The following COG2 variants were observed in gnomAD, a reference collection of about 807,000 sequenced individuals.
COG2 encodes the protein component of oligomeric golgi complex 2.
Under a neutral mutation model 90.6 loss-of-function variants are expected in COG2, and 52 were observed. The ratio of observed to expected loss-of-function variants is 0.57; its 90% CI spans 0.46 to 0.72. The LOEUF is 0.72. Ranked by LOEUF, COG2 falls within the 30% of genes least tolerant of loss-of-function variation. The pLI is 0.00. For missense variants in COG2, 829 were observed against 891.2 expected (o/e 0.93, Z 0.89); for synonymous variants, 337 against 320.4 (o/e 1.05, Z -0.55).
chr1:230,650,566 GTTGAT>G (rs1262229365), intron 1 of COG2, among the ~76,000 whole-genome samples: 1 of 151,878 alleles, frequency 6.6e-6, no homozygotes, highest in African/African-American at 2.4e-5. Flanking sequence ...TTTTTTTCTT[GTTGAT>G]TTAAGTTCCT....
chr1:230,650,160 T>TAGGG (rs1663943182), intron 1 of COG2, among the ~76,000 whole-genome samples: 1 of 152,254 alleles, frequency 6.6e-6, no homozygotes, highest in Non-Finnish European at 1.5e-5. Context: ...CTATTGTGAA[T>TAGGG]AGGGCTTCAA....
In COG2 at chr1:230,685,219, T is replaced by G; in HGVS notation, c.1363T>G (p.Ser455Ala). Reference protein sequence around the residue: ...RLTLQILARYSVFVNELSLRP... With the variant: ...RLTLQILARYAVFVNELSLRP... ...CACTCTGCAGATTTTGGCACGATAC[T>G]CTGTGTTTGTCAATGAGGTAAGGGC... is the stretch of plus-strand genomic sequence containing the variant. Residue 455 changes from serine (S) to alanine (A), a missense_variant, in exon 12 of 18, where the codon TCT (serine) becomes GCT (alanine). Ser to Ala is a moderately conservative substitution (Grantham distance 99). Transcript: ENST00000366669. The G allele has an allele frequency of 2.5e-6, 4 of 1,614,188 alleles. No individual in the cohort carries two copies. The highest frequency in any genetic ancestry group is 3.4e-6 in the Non-Finnish European group (4 of 1,180,018).
At chr1:230,691,276 T>A in intron 16 of COG2, 108 bp from the exon 17 acceptor site, 1 of 986,640 alleles carries the variant, frequency 1.0e-6, no homozygotes, top group South Asian at 2.0e-5. Context: ...TCGTTGGAAG[T>A]GAATTTTTAT....
At chr1:230,647,452 A>T (rs1315074976) in intron 1 of COG2, among the ~76,000 whole-genome samples, 2 of 152,180 alleles carry the variant, frequency 1.3e-5, no homozygotes, top group Non-Finnish European at 2.9e-5. Flanking sequence ...TGTGGGCCCC[A>T]GTTTCAGCTC....
At chr1:230,661,717 G>A (rs1485711192) in intron 3 of COG2, among the ~76,000 whole-genome samples, 1 of 152,168 alleles carries the variant, frequency 6.6e-6, no homozygotes, top group African/African-American at 2.4e-5. Context: ...AAATGTCAGT[G>A]TTTAGAAGTC....
chr1:230,691,212 C>CAT (rs752644384), intron 16 of COG2, among the ~76,000 whole-genome samples, 172 bp from the exon 17 acceptor site: 1 of 151,758 alleles, frequency 6.6e-6, no homozygotes, highest in Non-Finnish European at 1.5e-5. Context: ...TATATATACA[C>CAT]ATATATATAT....
At chr1:230,651,281 G>T (rs1397310550) in intron 1 of COG2, among the ~76,000 whole-genome samples, 1 of 152,018 alleles carries the variant, frequency 6.6e-6, no homozygotes, top group African/African-American at 2.4e-5. Flanking sequence ...ACTTTTTGAC[G>T]TTCAGCATGG....
At chr1:230,644,166 G>A (rs74506302) in intron 1 of COG2, among the ~76,000 whole-genome samples, 32 of 152,342 alleles carry the variant, frequency 2.1e-4, no homozygotes, top group Non-Finnish European at 4.0e-4. Flanking sequence ...AGAACTTAGA[G>A]TGCAAACTGG....
intron 1 of COG2, among the ~76,000 whole-genome samples, chr1:230,643,492 C>T (rs192030105): frequency 1.2e-3 from 188 of 152,262 alleles, no homozygotes; most frequent in Admixed American, 2.3e-3. Context: ...TAGCTGCTTT[C>T]AGTGTTAAAA....
At chr1:230,653,967 G>A (rs1329984895) in intron 1 of COG2, among the ~76,000 whole-genome samples, 1 of 152,042 alleles carries the variant, frequency 6.6e-6, no homozygotes, top group Non-Finnish European at 1.5e-5. Context: ...TCTTGTATTG[G>A]AGATTAAATT....
chr1:230,688,390 A>G (rs1224633662), intron 14 of COG2, 30 bp from the exon 15 acceptor site: 1 of 1,611,878 alleles, frequency 6.2e-7, no homozygotes, highest in South Asian at 1.1e-5. Flanking sequence ...CCTGAGCATG[A>G]TGATTAAATC....
At chr1:230,658,558 C>T (rs982582636) in intron 1 of COG2, among the ~76,000 whole-genome samples, 1 of 152,158 alleles carries the variant, frequency 6.6e-6, no homozygotes, top group African/African-American at 2.4e-5. Context: ...GGCAGTCTGA[C>T]CCTTACCAGA....
Position 230,690,041 on chromosome 1 carries a change from G to A in COG2, c.1822G>A (p.Val608Met), listed in dbSNP as rs567506189. ...GGTCCCAACCACAGCTTCCTCCTAT[G>A]TGGACAGTGCTCTGAAGCCCTTATT... ...KEVPTTASSY[V>M]DSALKPLFQL... is the part of the protein sequence containing the mutation. Residue 608 changes from valine to methionine, a missense_variant, in exon 16 of 18, where the codon GTG becomes ATG. By Grantham distance (21) the Val-to-Met change is conservative. Transcript: ENST00000366669. 3.7e-6 allele frequency: 6 copies of A among 1,609,354 alleles called. No individual in the cohort carries two copies. Among genetic ancestry groups the A allele is most frequent in the Non-Finnish European group, 5.1e-6 (6 of 1,177,804 alleles).
chr1:230,683,607 A>G lies in COG2; in HGVS notation c.1200A>G (p.Ala400=), dbSNP rs779581636. 1.2e-6 allele frequency: 2 copies of G among 1,612,518 alleles called. No individual in the cohort carries two copies. The highest frequency in any genetic ancestry group is 8.5e-7 in the Non-Finnish European group (1 of 1,178,832). ...FREIAGSLEA[A]LTDVLEDAPA... ...AAATAGCGGGATCCTTAGAAGCAGC[A>G]CTTACAGATGTCCTGGAAGATGCCC... The change falls in exon 11 of 18, where the codon GCA becomes GCG. Residue 400 remains alanine (A), a synonymous_variant. Transcript: ENST00000366669.
At chr1:230,666,807 T>G (rs891439174) in intron 5 of COG2, among the ~76,000 whole-genome samples, 1 of 152,180 alleles carries the variant, frequency 6.6e-6, no homozygotes, top group African/African-American at 2.4e-5. Context: ...AGTTTAAAAA[T>G]ACTGTGCTAA....
intron 11 of COG2, among the ~76,000 whole-genome samples, chr1:230,684,607 C>T (rs1662841899): frequency 6.6e-6 from 1 of 152,164 alleles, no homozygotes; most frequent in South Asian, 2.1e-4. Context: ...CATTTTGAAT[C>T]AATTTTAGCC....
chr1:230,678,682 C>T, intron 9 of COG2: 1 of 1,438,478 alleles, frequency 7.0e-7, no homozygotes. Context: ...GCCTGGGTCT[C>T]AGATGGGCTT....
chr1:230,693,391 T>G lies in COG2; in HGVS notation c.2215T>G (p.Ter739GluextTer11). 6.2e-7 allele frequency: 1 copy of G among 1,601,858 alleles called. No individual in the cohort carries two copies. Among genetic ancestry groups the G allele is most frequent in the Non-Finnish European group, 8.5e-7 (1 of 1,171,094 alleles). Residue 739 changes from the stop codon to glutamate, a stop_lost, in exon 18 of 18, where the codon TAA (stop) becomes GAA (glutamate). Transcript: ENST00000366669. ...GGACCAGGCAACAGCAGAGCAGCCTTAAGCATCTTGGAAGATCCCGAGGTT... is the reference window on the plus strand; with the variant it reads ...GGACCAGGCAACAGCAGAGCAGCCTGAAGCATCTTGGAAGATCCCGAGGTT... ...AKDQATAEQP[*>E]
chr1:230,681,966 T>G (rs1259645118), intron 10 of COG2: 1 of 109,898 alleles, frequency 9.1e-6, no homozygotes, highest in Non-Finnish European at 2.1e-5. Flanking sequence ...CCTTTTTCAT[T>G]TCTATGCTTT....
Sources: gnomAD v4.1 joint callset for allele counts (sites outside exome capture counted in the v4.1 genomes callset) on GRCh38, gnomAD v4.1.1 for gene constraint, MANE v1.5 for transcripts, NCBI Gene and HGNC (gene_info 2026-07-23, HGNC 2026-07-21) for gene names.